Variants in DPP10 observed in about 807,000 individuals in gnomAD.
The protein encoded by DPP10 is dipeptidyl peptidase like 10, also known as inactive dipeptidyl peptidase 10.
In DPP10, 33 loss-of-function variants were observed where a neutral mutation model predicts 120.9. The ratio of observed to expected loss-of-function variants is 0.27; its 90% CI spans 0.21 to 0.37. The LOEUF is 0.37. DPP10 is among the 10% of genes least tolerant of loss of function. The probability of loss-of-function intolerance (pLI) is 1.00; values close to 1 mark genes in which losing one functional copy is unlikely to be tolerated. For missense variants in DPP10, 816 were observed against 942.8 expected, an observed-to-expected ratio of 0.87 and a Z score of 1.76; for synonymous variants, 337 against 326.1, an observed-to-expected ratio of 1.03 and a Z score of -0.36.
At chr2:114,608,398 A>T (rs1692998836) in intron 1 of DPP10, among the ~76,000 whole-genome samples, 1 of 152,040 alleles carries the variant, frequency 6.6e-6, no homozygotes, top group Non-Finnish European at 1.5e-5. Flanking sequence ...GTAGAAGGAG[A>T]GGGGTTTGAG....
chr2:114,489,884 C>G (rs1229707552), intron 1 of DPP10, among the ~76,000 whole-genome samples: 1 of 152,180 alleles, frequency 6.6e-6, no homozygotes, highest in African/African-American at 2.4e-5. Context: ...GTTAACCCAT[C>G]AGAGAGTTAG....
intron 8 of DPP10, among the ~76,000 whole-genome samples, chr2:115,735,771 G>T (rs988220611): frequency 8.4e-5 from 12 of 143,028 alleles, no homozygotes; most frequent in South Asian, 6.7e-4. Flanking sequence ...GACTTCAGGT[G>T]ATCCGCCCAC....
At chr2:115,337,804 G>A (rs2063233900) in intron 2 of DPP10, among the ~76,000 whole-genome samples, 1 of 151,724 alleles carries the variant, frequency 6.6e-6, no homozygotes, top group South Asian at 2.1e-4. Flanking sequence ...CCTCAGGGTA[G>A]GCAGCTAAGG....
intron 1 of DPP10, among the ~76,000 whole-genome samples, chr2:114,912,312 T>C (rs985779242): frequency 1.3e-5 from 2 of 152,140 alleles, no homozygotes; most frequent in Non-Finnish European, 1.5e-5. Context: ...ATTTTCATGA[T>C]TCCACATCTA....
intron 1 of DPP10, among the ~76,000 whole-genome samples, chr2:114,846,852 A>T (rs1688584554): frequency 6.6e-6 from 1 of 152,172 alleles, no homozygotes; most frequent in Admixed American, 6.6e-5. Flanking sequence ...CAGAAGAGGA[A>T]ATCAACTATA....
intron 5 of DPP10, among the ~76,000 whole-genome samples, chr2:115,656,189 G>T (rs1050290272): frequency 6.7e-6 from 1 of 149,970 alleles, no homozygotes; most frequent in African/African-American, 2.4e-5. Flanking sequence ...CTTGATTTTG[G>T]TGATGATATA....
chr2:115,588,344 T>C (rs2082419286), intron 5 of DPP10, among the ~76,000 whole-genome samples: 1 of 152,208 alleles, frequency 6.6e-6, no homozygotes, highest in Admixed American at 6.5e-5. Context: ...ATATCTTTCC[T>C]TTTAGTGTTT....
At chr2:115,536,804 G>C (rs2078875072) in intron 5 of DPP10, among the ~76,000 whole-genome samples, 1 of 151,862 alleles carries the variant, frequency 6.6e-6, no homozygotes, top group African/African-American at 2.4e-5. Context: ...CTCTCTAAGT[G>C]CAAATATCTA....
chr2:115,289,503 A>AAAAAAAAAAAAAAAAAAAAAAAAAAT (rs70941042), intron 1 of DPP10, among the ~76,000 whole-genome samples: 1 of 96,268 alleles, frequency 1.0e-5, no homozygotes, highest in African/African-American at 4.2e-5. Flanking sequence ...AAAAAAAAAA[A>AAAAAAAAAAAAAAAAAAAAAAAAAAT]AGGAAGAAAA....
At chr2:115,384,510 AGAAG>A (rs2066722299) in intron 3 of DPP10, among the ~76,000 whole-genome samples, 1 of 148,314 alleles carries the variant, frequency 6.7e-6, no homozygotes, top group Non-Finnish European at 1.5e-5. Flanking sequence ...AAGAAGAAGA[AGAAG>A]GAAGAAGAGG....
chr2:115,377,238 G>T (rs963504636), intron 3 of DPP10, among the ~76,000 whole-genome samples: 2 of 151,010 alleles, frequency 1.3e-5, no homozygotes, highest in Non-Finnish European at 3.0e-5. Flanking sequence ...TTTAATGATT[G>T]CCATTCTAAC....
intron 3 of DPP10, among the ~76,000 whole-genome samples, chr2:115,486,821 C>A (rs1025639136): frequency 2.0e-5 from 3 of 152,114 alleles, no homozygotes; most frequent in African/African-American, 7.2e-5. Flanking sequence ...CTGCTATTCA[C>A]ATTTTAGCTA....
chr2:115,619,921 G>A (rs943722247), intron 5 of DPP10, among the ~76,000 whole-genome samples: 1 of 152,072 alleles, frequency 6.6e-6, no homozygotes, highest in Non-Finnish European at 1.5e-5. Flanking sequence ...CCTAATTGTG[G>A]TAATCATATT....
At position 114,491,574 on chromosome 2, in the gene DPP10, T is replaced by G. The variant is rs367971245; in HGVS notation, c.60+48736T>G. Among the ~76,000 whole-genome samples, 20 of 152,294 alleles carry G rather than the reference T, an allele frequency of 1.3e-4. No homozygotes were observed. In the South Asian group the frequency reaches 4.1e-3, roughly 32 times the overall value. ...TTCTGCAGGATAAGAAATATCAGTT[T>G]CCTTGCACACTAGCAGAAGTGGTTC... is the stretch of plus-strand genomic sequence containing the variant. On this transcript the variant is annotated intron_variant, in intron 1 of 25. Transcript: ENST00000410059.
chr2:115,260,396 C>T (rs113947401), intron 1 of DPP10, among the ~76,000 whole-genome samples: 33 of 152,072 alleles, frequency 2.2e-4, no homozygotes, highest in African/African-American at 7.7e-4. Context: ...AACCAAGAAA[C>T]GTGAAGATCA....
chr2:115,191,444 A>G (rs946954511), intron 1 of DPP10, among the ~76,000 whole-genome samples: 1 of 152,220 alleles, frequency 6.6e-6, no homozygotes, highest in Non-Finnish European at 1.5e-5. Context: ...CACCTGGCAA[A>G]TCTCCACAGG....
chr2:115,637,665 T>G (rs939411455), intron 5 of DPP10, among the ~76,000 whole-genome samples: 4 of 152,184 alleles, frequency 2.6e-5, no homozygotes, highest in Non-Finnish European at 4.4e-5. Flanking sequence ...TCTTATTGAA[T>G]TTATGAGTGA....
chr2:115,499,877 A>T (rs954465176), intron 4 of DPP10, among the ~76,000 whole-genome samples: 28 of 152,054 alleles, frequency 1.8e-4, no homozygotes, highest in Non-Finnish European at 3.4e-4. Context: ...CCAATATTTT[A>T]TATATAACAT....
At chr2:114,707,059 C>A (rs1444371488) in intron 1 of DPP10, 3 of 152,130 alleles carry the variant, frequency 2.0e-5, no homozygotes, top group Admixed American at 6.6e-5. Flanking sequence ...GGGGATGCCA[C>A]ACAGATGTGG....
Sources: gnomAD v4.1 joint callset for allele counts (sites outside exome capture counted in the v4.1 genomes callset) on GRCh38, gnomAD v4.1.1 for gene constraint, MANE v1.5 for transcripts, NCBI Gene and HGNC (gene_info 2026-07-23, HGNC 2026-07-21) for gene names.